Variants in ANKRD13A observed in about 807,000 individuals in gnomAD.
The protein encoded by ANKRD13A is ankyrin repeat domain-containing protein 13A.
In ANKRD13A, 48 loss-of-function variants were observed where a neutral mutation model predicts 81.3. The ratio of observed to expected loss-of-function variants is 0.59; its 90% CI spans 0.47 to 0.75. ANKRD13A has a LOEUF of 0.75. Ranked by LOEUF, ANKRD13A falls within the 30% of genes least tolerant of loss-of-function variation. The pLI is 0.00. For missense variants in ANKRD13A, 612 were observed against 734.0 expected, an observed-to-expected ratio of 0.83 and a Z score of 1.92; for synonymous variants, 230 against 270.1, an observed-to-expected ratio of 0.85 and a Z score of 1.45.
chr12:110,025,074 G>A (rs1891248933), intron 7 of ANKRD13A, among the ~76,000 whole-genome samples: 1 of 152,164 alleles, frequency 6.6e-6, no homozygotes, highest in Non-Finnish European at 1.5e-5. Flanking sequence ...TACCAGCGGA[G>A]GCTGGGTGCA....
At chr12:110,020,772 G>A (rs1328448494) in intron 6 of ANKRD13A, among the ~76,000 whole-genome samples, 2 of 152,228 alleles carry the variant, frequency 1.3e-5, no homozygotes, top group African/African-American at 4.8e-5. Flanking sequence ...GAGATGGGGA[G>A]GAACTGAGTG....
chr12:110,028,409 T>G (rs1282171648), intron 9 of ANKRD13A, 103 bp from the exon 10 acceptor site: 1 of 1,400,020 alleles, frequency 7.1e-7, no homozygotes, highest in Admixed American at 2.1e-5. Context: ...AACTTCCCGG[T>G]CTTTAGCTGG....
chr12:110,011,890 C>G, intron 1 of ANKRD13A, 115 bp from the exon 2 acceptor site: 1 of 1,037,676 alleles, frequency 9.6e-7, no homozygotes. Flanking sequence ...ATGTGTTGCT[C>G]TAATTAATGC....
chr12:110,023,118 C>T (rs940297842), intron 6 of ANKRD13A, among the ~76,000 whole-genome samples: 1 of 152,228 alleles, frequency 6.6e-6, no homozygotes, highest in African/African-American at 2.4e-5. Flanking sequence ...ATCCCAACCA[C>T]TCAGTGGTCA....
chr12:110,031,299 T>C lies in ANKRD13A; in HGVS notation c.1348+541T>C, dbSNP rs145523531. Among the ~76,000 whole-genome samples the C allele has an allele frequency of 3.4e-4, 51 of 152,054 alleles. No homozygotes were observed. The East Asian group carries it at 9.8e-3, about 29-fold the overall frequency. On this transcript the variant is annotated intron_variant, in intron 12 of 14. Coordinates refer to ENST00000261739, the MANE Select transcript of ANKRD13A (RefSeq NM_033121.2). ...AGGATGTTCTTAAAAATCAGCTTTA[T>C]TGAGGTGTAATGTACATACAATAAA...
intron 1 of ANKRD13A, among the ~76,000 whole-genome samples, chr12:110,006,870 A>G (rs117478690): frequency 0.049 from 7,402 of 152,286 alleles, 262 homozygotes; most frequent in South Asian, 0.15. Flanking sequence ...TGCTGGGATT[A>G]TAGGGATGAG....
rs1892218973 is a variant in ANKRD13A at position 110,039,029 on chromosome 12, A to T, written c.*1475A>T. On this transcript the variant is annotated 3_prime_UTR_variant, in exon 15 of 15. Transcript: ENST00000261739. ...TTGCCAGTGAAACGTTCCCAGATAC[A>T]AAGAATTGTGCTTTTAATTCCATTT... 6.6e-6 allele frequency: 1 copy of T among 151,634 alleles called. No homozygotes were observed. Among genetic ancestry groups the T allele is most frequent in the Non-Finnish European group, 1.5e-5 (1 of 67,980 alleles). 9.4% of individuals were successfully genotyped at this position (151,634 alleles called of 1,614,324 possible). A position where few individuals can be genotyped will look rare whatever the true frequency, so the allele number is the denominator to read the frequency against.
intron 8 of ANKRD13A, among the ~76,000 whole-genome samples, chr12:110,026,855 C>G (rs1488580002): frequency 1.3e-5 from 2 of 152,084 alleles, no homozygotes; most frequent in Non-Finnish European, 2.9e-5. Context: ...GCACTCCAGC[C>G]TGGGTGACAG....
intron 12 of ANKRD13A, among the ~76,000 whole-genome samples, chr12:110,033,455 A>G (rs754561857): frequency 2.0e-5 from 3 of 152,048 alleles, no homozygotes; most frequent in Non-Finnish European, 2.9e-5. Context: ...TATTTTATAT[A>G]TACTTTTATA....
intron 1 of ANKRD13A, among the ~76,000 whole-genome samples, chr12:110,003,591 G>A (rs183555210): frequency 1.3e-3 from 195 of 152,330 alleles, no homozygotes; most frequent in African/African-American, 4.6e-3. Flanking sequence ...GCCTCTTGCT[G>A]GAGTCCCCCT....
intron 11 of ANKRD13A, among the ~76,000 whole-genome samples, chr12:110,030,370 T>C (rs1315018143): frequency 6.6e-6 from 1 of 152,088 alleles, no homozygotes; most frequent in African/African-American, 2.4e-5. Flanking sequence ...TTTTATCATG[T>C]TGGTTAGGCT....
At chr12:110,014,831 T>C (rs1890707596) in intron 3 of ANKRD13A, among the ~76,000 whole-genome samples, 1 of 150,260 alleles carries the variant, frequency 6.7e-6, no homozygotes, top group Non-Finnish European at 1.5e-5. Flanking sequence ...TAGCCCAGGC[T>C]GGAGTGCAGT....
At chr12:110,005,437 AT>A (rs1276166495) in intron 1 of ANKRD13A, among the ~76,000 whole-genome samples, 1 of 152,090 alleles carries the variant, frequency 6.6e-6, no homozygotes, top group Non-Finnish European at 1.5e-5. Flanking sequence ...ACCCTGTAAT[AT>A]TTTCCTCACC....
intron 7 of ANKRD13A, among the ~76,000 whole-genome samples, chr12:110,024,921 A>G (rs537998464): frequency 1.1e-4 from 16 of 152,318 alleles, no homozygotes; most frequent in African/African-American, 3.8e-4. Flanking sequence ...AGTTACAATA[A>G]TTTTTGTCAG....
intron 7 of ANKRD13A, 37 bp from the exon 8 acceptor site, chr12:110,025,705 C>G: frequency 6.6e-7 from 1 of 1,514,382 alleles, no homozygotes; most frequent in Non-Finnish European, 9.0e-7. Context: ...AGTTTTGATT[C>G]CCTGTGTCAC....
intron 2 of ANKRD13A, among the ~76,000 whole-genome samples, chr12:110,012,614 C>T (rs1478489715): frequency 6.6e-6 from 1 of 152,282 alleles, no homozygotes; most frequent in East Asian, 1.9e-4. Context: ...GGCCAGTTTT[C>T]CCCTGAGGAA....
At chr12:110,028,063 A>C (rs571474576) in intron 9 of ANKRD13A, 107 of 399,138 alleles carry the variant, frequency 2.7e-4, no homozygotes, top group Non-Finnish European at 2.7e-5. Context: ...AGGACTTTAT[A>C]TTGCAACAGA....
intron 1 of ANKRD13A, among the ~76,000 whole-genome samples, chr12:110,010,273 C>T (rs73205046): frequency 0.082 from 12,528 of 152,226 alleles, 554 homozygotes; most frequent in Middle Eastern, 0.13. Flanking sequence ...CACACCTCCC[C>T]TGTGGCAGGT....
intron 6 of ANKRD13A, among the ~76,000 whole-genome samples, chr12:110,020,861 A>G (rs1327910337): frequency 6.6e-6 from 1 of 152,232 alleles, no homozygotes; most frequent in East Asian, 1.9e-4. Flanking sequence ...CTTAGCTGAA[A>G]GAAATAATTG....
Sources: gnomAD v4.1 joint callset for allele counts (sites outside exome capture counted in the v4.1 genomes callset) on GRCh38, gnomAD v4.1.1 for gene constraint, MANE v1.5 for transcripts, NCBI Gene and HGNC (gene_info 2026-07-23, HGNC 2026-07-21) for gene names.